The following NDUFA12 variants were observed in gnomAD, a reference collection of about 807,000 sequenced individuals.
NDUFA12 encodes NADH:ubiquinone oxidoreductase subunit A12.
NDUFA12 carries 17 observed loss-of-function variants against 20.3 expected under a neutral mutation model. The observed-to-expected ratio is 0.84, with a 90% CI of 0.57 to 1.26. The LOEUF is 1.26. Ranked by LOEUF, NDUFA12 falls within the 50% of genes most tolerant of loss-of-function variation. NDUFA12 has a pLI of 0.00. For synonymous variants in NDUFA12, 72 were observed against 63.6 expected, an observed-to-expected ratio of 1.13 and a Z score of -0.63; for missense variants, 191 against 183.7, an observed-to-expected ratio of 1.04 and a Z score of -0.23.
In NDUFA12 at chr12:95,002,739, C is replaced by G; in HGVS notation, c.169G>C (p.Gly57Arg). ...KYYEDNKQFFGRHRWVVYTTE... is the reference protein window; with the variant it reads ...KYYEDNKQFFRRHRWVVYTTE... ...TCATACTAAAAAATACTGCACTCAC[C>G]AAAAAATTGCTTGTTGTCTTCATAG... Residue 57 changes from glycine (G) to arginine (R), a missense_variant and splice_region_variant, in exon 2 of 4, where the codon GGC (glycine) becomes CGC (arginine). Physicochemically the swap from Gly to Arg is moderately radical, Grantham distance 125. Transcript: ENST00000327772. The G allele has an allele frequency of 1.9e-6, 3 of 1,612,568 alleles. No homozygotes were observed. The highest frequency in any genetic ancestry group is 1.1e-5 in the South Asian group (1 of 91,038).
intron 3 of NDUFA12, among the ~76,000 whole-genome samples, chr12:94,984,769 A>T (rs1484997129): frequency 2.0e-5 from 3 of 147,908 alleles, no homozygotes; most frequent in East Asian, 3.9e-4. Context: ...ATATGGAATT[A>T]AAAAAACTCA....
chr12:94,976,250 C>T (rs57377071), intron 3 of NDUFA12, among the ~76,000 whole-genome samples: 39,237 of 151,938 alleles, frequency 0.26, 5,373 homozygotes, highest in Non-Finnish European at 0.26. Context: ...AGTGAGAAAA[C>T]CAGGCTGCCA....
At chr12:94,984,582 G>A (rs1216395942) in intron 3 of NDUFA12, among the ~76,000 whole-genome samples, 1 of 151,668 alleles carries the variant, frequency 6.6e-6, no homozygotes, top group Non-Finnish European at 1.5e-5. Context: ...GGGCTCCTCA[G>A]AGAAATGGCT....
chr12:94,994,184 C>A lies in NDUFA12; in HGVS notation c.243G>T (p.Met81Ile), dbSNP rs374990036. Reference protein sequence around the residue: ...KNTFWDVDGSMVPPEWHRWLH... With the variant: ...KNTFWDVDGSIVPPEWHRWLH... ...TCTTAGCTTACCATTCAGGAGGCAC[C>A]ATGCTTCCATCCACATCCCAGAATG... Residue 81 changes from methionine to isoleucine, a missense_variant, in exon 3 of 4, where the codon ATG (methionine) becomes ATT (isoleucine). Transcript: ENST00000327772. 5.0e-6 allele frequency: 8 copies of A among 1,613,890 alleles called. No homozygotes were observed. The highest frequency in any genetic ancestry group is 6.8e-6 in the Non-Finnish European group (8 of 1,179,812).
At chr12:94,979,667 T>TA (rs34412426) in intron 3 of NDUFA12, among the ~76,000 whole-genome samples, 10,853 of 146,488 alleles carry the variant, frequency 0.074, 451 homozygotes, top group Middle Eastern at 0.18. Flanking sequence ...CCCACCCCTA[T>TA]AAAAAAAAAA....
At chr12:94,990,912 A>G (rs10859818) in intron 3 of NDUFA12, among the ~76,000 whole-genome samples, 135,763 of 152,222 alleles carry the variant, frequency 0.89, 60,809 homozygotes, top group African/African-American at 0.97. Context: ...CAAACAAACT[A>G]TTCTGTCCAA....
intron 3 of NDUFA12, chr12:94,971,904 A>ATT (rs138810463): frequency 3.2e-5 from 18 of 559,820 alleles, no homozygotes; most frequent in Non-Finnish European, 2.9e-5. Flanking sequence ...TCATTACTGT[A>ATT]TTTTTTTTTC....
intron 3 of NDUFA12, among the ~76,000 whole-genome samples, chr12:94,991,986 G>C (rs1236792172): frequency 6.6e-6 from 1 of 152,054 alleles, no homozygotes; most frequent in Admixed American, 6.6e-5. Context: ...TAGAACAGAG[G>C]CAAATACACT....
In NDUFA12 at chr12:94,994,263, T is replaced by C. The variant is rs969830992; in HGVS notation, c.170-6A>G. ...TACAACCCATCGGTGACGGCCTGGG[T>C]GGGAAGATGAACATTTAAAAAGAAA... On this transcript the variant is annotated splice_polypyrimidine_tract_variant and splice_region_variant and intron_variant, in intron 2 of 3. Coordinates refer to ENST00000327772, the MANE Select transcript of NDUFA12 (RefSeq NM_018838.5). 5 of 1,612,834 alleles carry C rather than the reference T, an allele frequency of 3.1e-6. No homozygotes were observed. Among genetic ancestry groups the C allele is most frequent in the African/African-American group, 2.7e-5 (2 of 74,788 alleles).
chr12:94,978,981 T>C lies in NDUFA12; in HGVS notation c.258-7361A>G, dbSNP rs754123812. 6.6e-5 allele frequency among the ~76,000 whole-genome samples: 10 copies of C among 152,346 alleles called. No homozygotes were observed. In the East Asian group the frequency reaches 7.7e-4, roughly 12 times the overall value. Reference sequence around the variant, plus strand: ...GAGAAGCAAGTCAGAAAATGTTGTATACATTATATGAGAAATGTGTAGGTA... The same window carrying C: ...GAGAAGCAAGTCAGAAAATGTTGTACACATTATATGAGAAATGTGTAGGTA... On this transcript the variant is annotated intron_variant, in intron 3 of 3. Transcript: ENST00000327772.
At chr12:94,985,692 A>G (rs1874412388) in intron 3 of NDUFA12, among the ~76,000 whole-genome samples, 1 of 151,922 alleles carries the variant, frequency 6.6e-6, no homozygotes, top group Non-Finnish European at 1.5e-5. Flanking sequence ...CAGAAGACAT[A>G]CAAATGGTCA....
At chr12:95,001,069 C>A (rs1313835969) in intron 2 of NDUFA12, among the ~76,000 whole-genome samples, 2 of 152,164 alleles carry the variant, frequency 1.3e-5, no homozygotes, top group Non-Finnish European at 2.9e-5. Flanking sequence ...CTTTGGGAGG[C>A]TGAGACAAGA....
chr12:94,986,466 AT>A (rs1428697197), intron 3 of NDUFA12, among the ~76,000 whole-genome samples: 2 of 152,210 alleles, frequency 1.3e-5, no homozygotes, highest in East Asian at 1.9e-4. Flanking sequence ...CCACAAAAAA[AT>A]GATAAGTATG....
At chr12:94,983,239 GCCTCCAACGAT>G (rs762599065) in intron 3 of NDUFA12, among the ~76,000 whole-genome samples, 1 of 152,148 alleles carries the variant, frequency 6.6e-6, no homozygotes, top group Non-Finnish European at 1.5e-5. Context: ...CTCTAAGAGG[GCCTCCAACGAT>G]CACTGCCTCC....
chr12:95,002,632 T>C, intron 2 of NDUFA12, 107 bp downstream of exon 2: 1 of 830,646 alleles, frequency 1.2e-6, no homozygotes, highest in South Asian at 1.5e-5. Flanking sequence ...GAGTTTTTCA[T>C]CCTTTTCCAG....
intron 2 of NDUFA12, among the ~76,000 whole-genome samples, chr12:94,998,834 T>C (rs969206951): frequency 2.0e-5 from 3 of 152,112 alleles, no homozygotes; most frequent in Non-Finnish European, 2.9e-5. Context: ...AAATCATAGA[T>C]GACACAAACA....
chr12:95,001,993 G>A (rs1027742885), intron 2 of NDUFA12, among the ~76,000 whole-genome samples: 7 of 151,256 alleles, frequency 4.6e-5, no homozygotes, highest in Admixed American at 2.6e-4. Flanking sequence ...GTGAGCCACC[G>A]CGCCCAGCCG....
intron 3 of NDUFA12, chr12:94,972,366 G>C (rs1873916551): frequency 2.7e-6 from 1 of 373,246 alleles, no homozygotes; most frequent in African/African-American, 2.1e-5. Flanking sequence ...TTTAGACGTG[G>C]AAATGCATTT....
Position 95,002,749 on chromosome 12 carries a change from CTTG to C in NDUFA12, c.156_158del (p.Asn52del), listed in dbSNP as rs780882833. 7 of 1,613,604 alleles carry C rather than the reference CTTG, an allele frequency of 4.3e-6. No individual in the cohort carries two copies. Among genetic ancestry groups the C allele is most frequent in the South Asian group, 3.3e-5 (3 of 91,068 alleles). ...AAATACTGCACTCACCAAAAAATTG[CTTG>C]TTGTCTTCATAGTATTTGTTTCCAT... is the stretch of plus-strand genomic sequence containing the variant. On this transcript the variant is annotated inframe_deletion, in exon 2 of 4. Coordinates refer to ENST00000327772, the MANE Select transcript of NDUFA12 (RefSeq NM_018838.5).
Sources: allele counts gnomAD v4.1 joint callset (sites outside exome capture counted in the v4.1 genomes callset), GRCh38; gene constraint gnomAD v4.1.1; transcripts MANE v1.5; gene names NCBI Gene and HGNC (gene_info 2026-07-23, HGNC 2026-07-21).